The following PRDM16 variants were observed in gnomAD, a reference collection of about 807,000 sequenced individuals.
PRDM16 encodes histone-lysine N-methyltransferase PRDM16.
A neutral mutation model predicts 110.6 loss-of-function variants in PRDM16; 23 were observed. The ratio of observed to expected loss-of-function variants is 0.21; its 90% confidence interval spans 0.15 to 0.29. The LOEUF (loss-of-function observed/expected upper bound fraction) is 0.29. Among genes scored for constraint, PRDM16 ranks in the 10% least tolerant of loss-of-function variants. The pLI is 1.00. For synonymous variants in PRDM16, 799 were observed against 781.8 expected (o/e 1.02, Z -0.37); for missense variants, 1,615 against 1,794.3 (o/e 0.90, Z 1.81).
intron 2 of PRDM16, among the ~76,000 whole-genome samples, chr1:3,231,920 A>G (rs980308714): frequency 6.6e-6 from 1 of 152,220 alleles, no homozygotes; most frequent in African/African-American, 2.4e-5. Flanking sequence ...TGGACGTTGC[A>G]AGACTCCAGA....
chr1:3,174,010 C>T lies in PRDM16; in HGVS notation c.38-12115C>T, dbSNP rs1461295941. 5.3e-5 allele frequency among the ~76,000 whole-genome samples: 8 copies of T among 151,678 alleles called. No individual in the cohort carries two copies. In the South Asian group the frequency reaches 1.3e-3, roughly 24 times the overall value. The stretch of plus-strand genomic sequence containing the variant: ...TGTGAGTGTCTTGGGTCTGCTTTAA[C>T]GAAAGAGCACAAACTGGATGGACTG... On this transcript the variant is annotated intron_variant, in intron 1 of 16. Coordinates refer to ENST00000270722, the MANE Select transcript of PRDM16 (RefSeq NM_022114.4).
At chr1:3,136,945 T>C (rs559932648) in intron 1 of PRDM16, among the ~76,000 whole-genome samples, 18 of 152,284 alleles carry the variant, frequency 1.2e-4, no homozygotes, top group African/African-American at 4.1e-4. Context: ...CTGCTGCCCC[T>C]GGCTCTGGGC....
intron 1 of PRDM16, among the ~76,000 whole-genome samples, chr1:3,092,216 C>T (rs1429814611): frequency 6.6e-6 from 1 of 152,212 alleles, no homozygotes; most frequent in Admixed American, 6.5e-5. Flanking sequence ...TGGTATGGCT[C>T]TGCAGCAGGG....
chr1:3,262,762 C>T (rs1640190453), intron 3 of PRDM16, among the ~76,000 whole-genome samples: 1 of 152,220 alleles, frequency 6.6e-6, no homozygotes, highest in South Asian at 2.1e-4. Flanking sequence ...TGAGGGTGTG[C>T]GAGCATGGGG....
chr1:3,181,032 GCGGTCTTA>G (rs1557507680), intron 1 of PRDM16, among the ~76,000 whole-genome samples: 1,703 of 118,728 alleles, frequency 0.014, 112 homozygotes, highest in East Asian at 0.12. Flanking sequence ...GGTCTTACAC[GCGGTCTTA>G]CACACGCAGT....
rs35970416 is a variant in PRDM16 at position 3,096,573 on chromosome 1, TG to T, written c.37+27281del. Reference sequence around the variant, plus strand: ...ACCTGCCTCTTCCTCTTTTGCCGGCTGGGGCACATTCCCTCCCTCAGTGCCT... The same window carrying T: ...ACCTGCCTCTTCCTCTTTTGCCGGCTGGGCACATTCCCTCCCTCAGTGCCT... On this transcript the variant is annotated intron_variant, in intron 1 of 16. Transcript: ENST00000270722. 8.7e-3 allele frequency among the ~76,000 whole-genome samples: 1,324 copies of T among 152,236 alleles called. 16 individuals carry two copies. The highest frequency in any genetic ancestry group is 0.03 in the African/African-American group (1,243 of 41,556).
At chr1:3,070,800 A>C (rs1641736793) in intron 1 of PRDM16, among the ~76,000 whole-genome samples, 1 of 152,216 alleles carries the variant, frequency 6.6e-6, no homozygotes, top group East Asian at 1.9e-4. Flanking sequence ...TGCACCAGGG[A>C]AAAGCAGCTC....
At chr1:3,086,979 GA>G (rs199845966) in intron 1 of PRDM16, among the ~76,000 whole-genome samples, 2 of 152,152 alleles carry the variant, frequency 1.3e-5, no homozygotes, top group South Asian at 4.2e-4. Context: ...GAGTGAAAAG[GA>G]AAAAAAGGAA....
chr1:3,375,820 C>T (rs541745418), intron 3 of PRDM16, among the ~76,000 whole-genome samples: 61 of 152,314 alleles, frequency 4.0e-4, no homozygotes, highest in African/African-American at 1.2e-3. Flanking sequence ...TGTTCATAGA[C>T]GCTGCTGGGA....
chr1:3,166,959 C>T (rs1643964383), intron 1 of PRDM16, among the ~76,000 whole-genome samples: 1 of 152,204 alleles, frequency 6.6e-6, no homozygotes, highest in Non-Finnish European at 1.5e-5. Context: ...CCTCAAGGCA[C>T]TTGCTCGAGT....
Position 3,081,165 on chromosome 1 carries a change from G to A in PRDM16, c.37+11869G>A, listed in dbSNP as rs1642018082. Among the ~76,000 whole-genome samples the A allele has an allele frequency of 1.3e-5, 2 of 152,204 alleles. No individual in the cohort carries two copies. Among genetic ancestry groups the A allele is most frequent in the South Asian group, 4.1e-4 (2 of 4,836 alleles). ...GAAGGTGTTAGTCTTACCTTCCCGA[G>A]GTTAGATAAAGCCGCTAAAAGCTGC... is the stretch of plus-strand genomic sequence containing the variant. On this transcript the variant is annotated intron_variant, in intron 1 of 16. Coordinates refer to ENST00000270722, the MANE Select transcript of PRDM16 (RefSeq NM_022114.4). The surrounding 1 kb of genome is among the most constrained non-coding windows in gnomAD (Gnocchi z 4.6).
At chr1:3,165,222 C>T (rs1399828589) in intron 1 of PRDM16, among the ~76,000 whole-genome samples, 1 of 151,958 alleles carries the variant, frequency 6.6e-6, no homozygotes, top group African/African-American at 2.4e-5. Context: ...GGCATGGACT[C>T]ACCTGGGCTC....
At chr1:3,100,003 C>T (rs1226024499) in intron 1 of PRDM16, among the ~76,000 whole-genome samples, 1 of 152,150 alleles carries the variant, frequency 6.6e-6, no homozygotes, top group Non-Finnish European at 1.5e-5. Flanking sequence ...GGGCTCGGCA[C>T]CCCTGGGTGA....
At chr1:3,307,694 A>T (rs1276527672) in intron 3 of PRDM16, 1 of 152,152 alleles carries the variant, frequency 6.6e-6, no homozygotes, top group Non-Finnish European at 1.5e-5. Flanking sequence ...CATATTTTTC[A>T]GGGCTCCATG....
chr1:3,313,883 T>C (rs1557600726), intron 3 of PRDM16, among the ~76,000 whole-genome samples: 1 of 152,260 alleles, frequency 6.6e-6, no homozygotes, highest in Non-Finnish European at 1.5e-5. Flanking sequence ...GAAGCATTAA[T>C]AGGAGCGAAT....
At chr1:3,114,257 C>T (rs114956514) in intron 1 of PRDM16, among the ~76,000 whole-genome samples, 1,881 of 141,724 alleles carry the variant, frequency 0.013, 40 homozygotes, top group African/African-American at 0.048. Context: ...TGCACACGCA[C>T]GCGCACACGT....
At position 3,339,668 on chromosome 1, in the gene PRDM16, A is replaced by G. The variant is rs745834099; in HGVS notation, c.439-45484A>G. Among the ~76,000 whole-genome samples the G allele has an allele frequency of 4.6e-5, 7 of 152,054 alleles. No homozygotes were observed. Among genetic ancestry groups the G allele is most frequent in the Non-Finnish European group, 5.9e-5 (4 of 68,008 alleles). On this transcript the variant is annotated intron_variant, in intron 3 of 16. Transcript: ENST00000270722. The surrounding 1 kb of genome is among the most constrained non-coding windows in gnomAD (Gnocchi z 5.0). ...AGTCCTACTGCGGACCCCTGGCTGC[A>G]TTGTGTGTGTGGTGGGGGGTGTGCA...
intron 3 of PRDM16, among the ~76,000 whole-genome samples, chr1:3,298,025 C>T (rs1427994814): frequency 7.0e-6 from 1 of 141,940 alleles, no homozygotes; most frequent in Non-Finnish European, 1.5e-5. Context: ...AACAGCACGT[C>T]ACCCAAGGTA....
intron 1 of PRDM16, among the ~76,000 whole-genome samples, chr1:3,114,483 C>G (rs965133130): frequency 1.3e-5 from 2 of 148,148 alleles, no homozygotes; most frequent in African/African-American, 2.6e-5. Context: ...TAAACAGACA[C>G]GCACGCACGC....
Sources: gnomAD v4.1 joint callset for allele counts (sites outside exome capture counted in the v4.1 genomes callset) on GRCh38, gnomAD v4.1.1 for gene constraint, Gnocchi (gnomAD v3.1) non-coding constraint, MANE v1.5 for transcripts, NCBI Gene and HGNC (gene_info 2026-07-23, HGNC 2026-07-21) for gene names.